FTO: variants seen among roughly 807,000 people sequenced by gnomAD.
FTO encodes alpha-ketoglutarate-dependent dioxygenase FTO.
Under a neutral mutation model 63.9 loss-of-function variants are expected in FTO, and 47 were observed. That is an observed-to-expected ratio of 0.74 (90% confidence interval 0.58 to 0.94). The LOEUF is 0.94. FTO is among the 40% of genes least tolerant of loss of function. The probability of loss-of-function intolerance (pLI) is 0.00; values close to 1 mark genes in which losing one functional copy is unlikely to be tolerated. For missense variants in FTO, 562 were observed against 618.1 expected (o/e 0.91, Z 0.96); for synonymous variants, 207 against 224.4 (o/e 0.92, Z 0.69).
intron 1 of FTO, among the ~76,000 whole-genome samples, chr16:53,740,055 T>C (rs186036951): frequency 6.6e-6 from 1 of 152,356 alleles, no homozygotes; most frequent in East Asian, 1.9e-4. Flanking sequence ...TATAGCCTTT[T>C]CAAAATTAGA....
intron 8 of FTO, among the ~76,000 whole-genome samples, chr16:53,988,561 T>G (rs1173896449): frequency 6.6e-6 from 1 of 152,212 alleles, no homozygotes; most frequent in African/African-American, 2.4e-5. Context: ...TCATAACATA[T>G]CTACCATTTA....
rs141264047 is a variant in FTO, at chr16:53,994,777, G to A, written c.1364+60668G>A. Among the ~76,000 whole-genome samples the A allele has an allele frequency of 9.7e-3, 1,470 of 151,304 alleles. 23 individuals carry two copies. Among genetic ancestry groups the A allele is most frequent in the African/African-American group, 0.031 (1,293 of 41,166 alleles). Reference sequence around the variant, plus strand: ...GAGACAAGGTCTCGCTCTGTTGTCCGGACTGCAGTACAGTGGTGCAATCTC... The same window carrying A: ...GAGACAAGGTCTCGCTCTGTTGTCCAGACTGCAGTACAGTGGTGCAATCTC... On this transcript the variant is annotated intron_variant, in intron 8 of 8. Coordinates refer to ENST00000471389, the MANE Select transcript of FTO (RefSeq NM_001080432.3).
intron 8 of FTO, among the ~76,000 whole-genome samples, chr16:54,058,776 T>A (rs942592638): frequency 2.0e-5 from 3 of 152,194 alleles, no homozygotes; most frequent in Non-Finnish European, 2.9e-5. Context: ...ATTGGTTGTG[T>A]TTGGGGCCTT....
chr16:53,786,004 G>T (rs151083239), intron 1 of FTO, among the ~76,000 whole-genome samples: 8 of 151,924 alleles, frequency 5.3e-5, no homozygotes, highest in Non-Finnish European at 8.8e-5. Context: ...AAGTTTTTAA[G>T]CAAGGGAATG....
intron 8 of FTO, among the ~76,000 whole-genome samples, chr16:53,950,155 TAAAAAAAAAAAA>T (rs57925273): frequency 2.0e-5 from 1 of 50,604 alleles, no homozygotes; most frequent in Non-Finnish European, 4.4e-5. Flanking sequence ...TTCACATTTG[TAAAAAAAAAAAA>T]AAAAAAAAAA....
chr16:54,105,888 G>T (rs1163462996), intron 8 of FTO, among the ~76,000 whole-genome samples: 1 of 151,738 alleles, frequency 6.6e-6, no homozygotes, highest in East Asian at 1.9e-4. Context: ...ATTTCATCAA[G>T]AGTAATGGAA....
chr16:53,943,469 G>A (rs1381920526), intron 8 of FTO, among the ~76,000 whole-genome samples: 1 of 152,112 alleles, frequency 6.6e-6, no homozygotes, highest in Non-Finnish European at 1.5e-5. Context: ...AACTTTTTGA[G>A]AAAACATTGA....
At chr16:54,095,460 C>G (rs1211858460) in intron 8 of FTO, among the ~76,000 whole-genome samples, 1 of 150,576 alleles carries the variant, frequency 6.6e-6, no homozygotes, top group African/African-American at 2.4e-5. Flanking sequence ...TTTCATTTCT[C>G]TGCTTGATTT....
chr16:53,885,809 C>T (rs1042531805), intron 6 of FTO, among the ~76,000 whole-genome samples: 1 of 152,144 alleles, frequency 6.6e-6, no homozygotes, highest in Non-Finnish European at 1.5e-5. Flanking sequence ...AGTTTAGTGG[C>T]GCGATCATGG....
At chr16:54,048,327 T>G (rs1439355245) in intron 8 of FTO, among the ~76,000 whole-genome samples, 1 of 149,946 alleles carries the variant, frequency 6.7e-6, no homozygotes, top group Non-Finnish European at 1.5e-5. Context: ...GTGATTACCA[T>G]TCAGGTTGGC....
intron 3 of FTO, among the ~76,000 whole-genome samples, chr16:53,832,083 AG>A (rs2079159807): frequency 6.6e-6 from 1 of 152,146 alleles, no homozygotes; most frequent in East Asian, 1.9e-4. Context: ...AGAGCAGGGG[AG>A]AAATGTGTAA....
At chr16:54,041,836 G>C (rs1366531924) in intron 8 of FTO, among the ~76,000 whole-genome samples, 1 of 152,224 alleles carries the variant, frequency 6.6e-6, no homozygotes, top group South Asian at 2.1e-4. Flanking sequence ...TGGAGGTTGA[G>C]AGTGTCTAAC....
intron 7 of FTO, among the ~76,000 whole-genome samples, chr16:53,932,400 T>C (rs1472826641): frequency 1.3e-5 from 2 of 151,956 alleles, no homozygotes; most frequent in Non-Finnish European, 2.9e-5. Flanking sequence ...TGGTTTTTTT[T>C]TTTTTTTGAG....
chr16:54,087,707 G>T (rs1180940077), intron 8 of FTO, among the ~76,000 whole-genome samples: 2 of 152,188 alleles, frequency 1.3e-5, no homozygotes, highest in Admixed American at 6.5e-5. Flanking sequence ...GGAGGCTGAG[G>T]CAGGAGGATT....
intron 8 of FTO, among the ~76,000 whole-genome samples, chr16:54,080,925 T>A (rs1469502218): frequency 6.6e-6 from 1 of 152,074 alleles, no homozygotes; most frequent in African/African-American, 2.4e-5. Flanking sequence ...CTTGGAGGCG[T>A]CACAAGCTCC....
intron 8 of FTO, among the ~76,000 whole-genome samples, chr16:54,024,413 A>T: frequency 6.6e-6 from 1 of 151,978 alleles, no homozygotes; most frequent in Non-Finnish European, 1.5e-5. Context: ...TATTTTTAGT[A>T]GAGACGGGGT....
At chr16:54,048,749 A>G (rs2085244101) in intron 8 of FTO, among the ~76,000 whole-genome samples, 1 of 152,208 alleles carries the variant, frequency 6.6e-6, no homozygotes, top group Non-Finnish European at 1.5e-5. Context: ...CCAGCCTGAT[A>G]AGTATTCCAT....
chr16:53,779,964 A>G (rs2151653387), intron 1 of FTO, among the ~76,000 whole-genome samples: 1 of 152,212 alleles, frequency 6.6e-6, no homozygotes, highest in Admixed American at 6.5e-5. Context: ...TGCACCCTCA[A>G]TGTGGCCTCC....
chr16:54,050,828 G>GA (rs2085294196), intron 8 of FTO, among the ~76,000 whole-genome samples: 1 of 151,656 alleles, frequency 6.6e-6, no homozygotes, highest in Admixed American at 6.6e-5. Flanking sequence ...TTTTAAAGAG[G>GA]AAAAAAATGC....
Sources: gnomAD v4.1 joint callset for allele counts (sites outside exome capture counted in the v4.1 genomes callset) on GRCh38, gnomAD v4.1.1 for gene constraint, MANE v1.5 for transcripts, NCBI Gene and HGNC (gene_info 2026-07-23, HGNC 2026-07-21) for gene names.